RASA2: variants seen among roughly 807,000 people sequenced by gnomAD.
RASA2 encodes RAS p21 protein activator 2.
A neutral mutation model predicts 118.2 loss-of-function variants in RASA2; 155 were observed. The observed-to-expected ratio is 1.31, with a 90% confidence interval of 1.15 to 1.50. The LOEUF (loss-of-function observed/expected upper bound fraction) is 1.50, where lower values mean the gene tolerates loss of function less well. Ranked by LOEUF, RASA2 falls within the 40% of genes most tolerant of loss-of-function variation. The pLI, the probability that RASA2 is intolerant of heterozygous loss-of-function variation, is 0.00. For synonymous variants in RASA2, 353 were observed against 349.1 expected (o/e 1.01, Z -0.12); for missense variants, 1,016 against 1,009.6 (o/e 1.01, Z -0.09).
At chr3:141,530,890 G>C (rs1014592980) in intron 4 of RASA2, among the ~76,000 whole-genome samples, 1 of 152,084 alleles carries the variant, frequency 6.6e-6, no homozygotes, top group South Asian at 2.1e-4. Flanking sequence ...TGAAGAAGTG[G>C]AAAGTGTTTA....
intron 9 of RASA2, among the ~76,000 whole-genome samples, chr3:141,560,959 C>CTG (rs2082721829): frequency 6.6e-6 from 1 of 152,220 alleles, no homozygotes; most frequent in African/African-American, 2.4e-5. Context: ...CACTTGTAGA[C>CTG]TGATATGGAG....
intron 9 of RASA2, among the ~76,000 whole-genome samples, chr3:141,562,174 G>C (rs1055618161): frequency 1.3e-5 from 2 of 151,594 alleles, no homozygotes; most frequent in African/African-American, 4.8e-5. Flanking sequence ...GGCTGGTCTT[G>C]AACTCCTGAC....
intron 23 of RASA2, 111 bp downstream of exon 23, chr3:141,610,177 A>G (rs2083615912): frequency 2.2e-6 from 2 of 892,304 alleles, no homozygotes; most frequent in Non-Finnish European, 3.2e-6. Context: ...CATCCCGCTC[A>G]GGGCCATTCT....
chr3:141,531,967 A>G (rs2082266747), intron 4 of RASA2, among the ~76,000 whole-genome samples: 2 of 152,222 alleles, frequency 1.3e-5, no homozygotes, highest in African/African-American at 4.8e-5. Flanking sequence ...TTTTACAAAA[A>G]TACCATGAAA....
At chr3:141,550,065 A>G (rs184041818) in intron 5 of RASA2, among the ~76,000 whole-genome samples, 1 of 152,344 alleles carries the variant, frequency 6.6e-6, no homozygotes, top group African/African-American at 2.4e-5. Context: ...ATTCTAGTTA[A>G]TGAATGTAGG....
chr3:141,489,308 C>T (rs1034798163), intron 1 of RASA2, among the ~76,000 whole-genome samples: 4 of 152,128 alleles, frequency 2.6e-5, no homozygotes, highest in Non-Finnish European at 4.4e-5. Context: ...TGATGTAATC[C>T]ACAGTTGGTT....
chr3:141,588,987 G>A (rs966422967), intron 19 of RASA2, among the ~76,000 whole-genome samples: 14 of 151,808 alleles, frequency 9.2e-5, no homozygotes, highest in South Asian at 2.1e-4. Context: ...GATTACAGGC[G>A]CCCGCCACCA....
At position 141,608,703 on chromosome 3, in the gene RASA2, TTTCTTTCTGATTA is replaced by T. The variant is rs778230476; in HGVS notation, c.2225+8_2225+20del. ...GGCTGCAAGCCATGTACTGCGTAAG[TTTCTTTCTGATTA>T]TAAAAGCAGTGTGTCAAAATTTGAT... On this transcript the variant is annotated splice_region_variant and intron_variant, in intron 21 of 23. Coordinates refer to ENST00000286364, the MANE Select transcript of RASA2 (RefSeq NM_006506.5). The T allele has an allele frequency of 3.3e-5, 53 of 1,609,098 alleles. No homozygotes were observed. Among genetic ancestry groups the T allele is most frequent in the Non-Finnish European group, 4.3e-5 (51 of 1,175,612 alleles).
In RASA2 at chr3:141,526,646, A is replaced by G. The variant is rs1481198837; in HGVS notation, c.356-3062A>G. ...TCATTTTCTCTAACTTTGTGGAATC[A>G]TGTACTCTTTCTTCTCTGTTTCTTC... On this transcript the variant is annotated intron_variant, in intron 3 of 23. Transcript: ENST00000286364. 3.3e-5 allele frequency among the ~76,000 whole-genome samples: 5 copies of G among 152,300 alleles called. No individual in the cohort carries two copies. In the South Asian group the frequency reaches 6.2e-4, roughly 19 times the overall value.
At chr3:141,583,176 C>A (rs529355782) in intron 17 of RASA2, among the ~76,000 whole-genome samples, 3 of 152,102 alleles carry the variant, frequency 2.0e-5, no homozygotes, top group African/African-American at 7.2e-5. Flanking sequence ...GTAATCCCAG[C>A]ACTTTGGGAG....
At chr3:141,500,114 A>G (rs753186156) in intron 1 of RASA2, among the ~76,000 whole-genome samples, 1 of 152,200 alleles carries the variant, frequency 6.6e-6, no homozygotes, top group Admixed American at 6.5e-5. Flanking sequence ...AATGTCACAA[A>G]TGTGTAACTT....
chr3:141,511,818 A>G (rs1449544984), intron 1 of RASA2, among the ~76,000 whole-genome samples: 1 of 152,116 alleles, frequency 6.6e-6, no homozygotes, highest in Non-Finnish European at 1.5e-5. Flanking sequence ...CTAGAGAGGA[A>G]AATTAATGGT....
At chr3:141,540,431 G>C (rs911471930) in intron 4 of RASA2, 102 bp from the exon 5 acceptor site, 1 of 842,562 alleles carries the variant, frequency 1.2e-6, no homozygotes, top group Admixed American at 2.4e-5. Flanking sequence ...CCATGTGCTA[G>C]TGGTCAGTGG....
At chr3:141,577,837 G>A (rs988006287) in intron 15 of RASA2, among the ~76,000 whole-genome samples, 1 of 152,070 alleles carries the variant, frequency 6.6e-6, no homozygotes, top group Non-Finnish European at 1.5e-5. Flanking sequence ...TATAAACTTT[G>A]TTCTGGAGTC....
At chr3:141,597,296 C>T (rs535414082) in intron 19 of RASA2, among the ~76,000 whole-genome samples, 29 of 152,240 alleles carry the variant, frequency 1.9e-4, no homozygotes, top group African/African-American at 6.7e-4. Context: ...CTGACACATG[C>T]TGCATCATGG....
At chr3:141,586,613 A>T in intron 18 of RASA2, 33 bp from the exon 19 acceptor site, 1 of 1,440,806 alleles carries the variant, frequency 6.9e-7, no homozygotes, top group Non-Finnish European at 9.6e-7. Flanking sequence ...TTTAATTTTT[A>T]TAGCTAAATG....
intron 23 of RASA2, among the ~76,000 whole-genome samples, chr3:141,610,919 A>C (rs2083641771): frequency 2.0e-5 from 3 of 152,168 alleles, no homozygotes; most frequent in Non-Finnish European, 4.4e-5. Flanking sequence ...ACTCACCCCC[A>C]AAAAAATTAA....
chr3:141,584,500 A>G (rs2083168825), intron 17 of RASA2, among the ~76,000 whole-genome samples: 1 of 152,156 alleles, frequency 6.6e-6, no homozygotes, highest in Admixed American at 6.6e-5. Context: ...AAAGATGGAT[A>G]CTATAAATTT....
intron 1 of RASA2, among the ~76,000 whole-genome samples, chr3:141,495,484 A>G (rs962722509): frequency 4.6e-5 from 7 of 152,268 alleles, no homozygotes; most frequent in African/African-American, 1.4e-4. Flanking sequence ...TGTCCAGTAA[A>G]CATGAAAATA....
Sources: gnomAD v4.1 joint callset for allele counts (sites outside exome capture counted in the v4.1 genomes callset) on GRCh38, gnomAD v4.1.1 for gene constraint, MANE v1.5 for transcripts, NCBI Gene and HGNC (gene_info 2026-07-23, HGNC 2026-07-21) for gene names.